DCK: variants seen among roughly 807,000 people sequenced by gnomAD.
DCK encodes deoxyadenosine kinase.
Under a neutral mutation model 38.3 loss-of-function variants are expected in DCK, and 23 were observed. The observed-to-expected ratio is 0.60, with a 90% CI of 0.43 to 0.85. The LOEUF is 0.85. Ranked by LOEUF, DCK falls within the 40% of genes least tolerant of loss-of-function variation. DCK has a pLI of 0.00. For missense variants in DCK, 259 were observed against 304.4 expected, an observed-to-expected ratio of 0.85 and a Z score of 1.11; for synonymous variants, 108 against 100.6, an observed-to-expected ratio of 1.07 and a Z score of -0.44.
At chr4:71,012,990 C>T (rs1158482694) in intron 2 of DCK, among the ~76,000 whole-genome samples, 1 of 152,166 alleles carries the variant, frequency 6.6e-6, no homozygotes, top group Non-Finnish European at 1.5e-5. Context: ...AGTTCGAACC[C>T]ATGGCAAAGA....
rs746211108 is a variant in DCK at position 71,022,551 on chromosome 4, A to G, written c.392A>G (p.Tyr131Cys). Reference protein sequence around the residue: ...KPVLFFERSVYSDRYIFASNL... With the variant: ...KPVLFFERSVCSDRYIFASNL... ...GTATTATTTTTTGAACGATCTGTGT[A>G]TAGTGACAGGTATGTATAAATGGCT... Residue 131 changes from tyrosine (Y) to cysteine (C), a missense_variant, in exon 3 of 7, where the codon TAT becomes TGT. This residue lies in a region of DCK where 159 missense variants were observed against 159.0 expected (regional missense o/e 1.00). Transcript: ENST00000286648. 4 of 1,555,068 alleles carry G rather than the reference A, an allele frequency of 2.6e-6. No homozygotes were observed. The highest frequency in any genetic ancestry group is 3.5e-6 in the Non-Finnish European group (4 of 1,155,278).
rs1046586428 is a variant in DCK at position 71,029,910 on chromosome 4, T to C, written c.*532T>C. ...TTTTAAATTATTATCTTCTTAACAG[T>C]TTAGTCCCACCTCTTACTTCCTGCC... On this transcript the variant is annotated 3_prime_UTR_variant, in exon 7 of 7. Transcript: ENST00000286648. The C allele has an allele frequency of 6.5e-6, 1 of 152,822 alleles. No homozygotes were observed. The highest frequency in any genetic ancestry group is 2.4e-5 in the African/African-American group (1 of 41,448). The allele number at this position is 152,822 out of a possible 1,614,324, so 9.5% of individuals were successfully genotyped here.
chr4:71,013,389 A>G (rs367603910), intron 2 of DCK, among the ~76,000 whole-genome samples: 4 of 152,194 alleles, frequency 2.6e-5, no homozygotes, highest in Non-Finnish European at 5.9e-5. Flanking sequence ...CCAACATTCA[A>G]ATTCAGGAAA....
At chr4:71,011,204 A>C (rs1740080246) in intron 2 of DCK, among the ~76,000 whole-genome samples, 1 of 149,178 alleles carries the variant, frequency 6.7e-6, no homozygotes, top group African/African-American at 2.5e-5. Flanking sequence ...CAGCCTCCCA[A>C]AGGGCTGGGA....
intron 2 of DCK, among the ~76,000 whole-genome samples, chr4:71,006,151 AGCAAATAAG>A (rs1739936226): frequency 1.0e-5 from 1 of 98,122 alleles, no homozygotes; most frequent in African/African-American, 3.3e-5. Flanking sequence ...AAAAAAAAAA[AGCAAATAAG>A]AAAAAGAAAA....
At chr4:70,998,013 C>T (rs1240923193) in intron 1 of DCK, 54 bp from the exon 2 acceptor site, 2 of 853,132 alleles carry the variant, frequency 2.3e-6, no homozygotes, top group Non-Finnish European at 3.7e-6. Flanking sequence ...GACTACTTGA[C>T]ATCTTTTTTT....
At chr4:70,999,903 T>G (rs1035586407) in intron 2 of DCK, among the ~76,000 whole-genome samples, 5 of 152,208 alleles carry the variant, frequency 3.3e-5, no homozygotes, top group Admixed American at 3.3e-4. Flanking sequence ...TTTAAGTTCC[T>G]TGTAGATTTT....
intron 4 of DCK, among the ~76,000 whole-genome samples, chr4:71,025,256 T>C (rs1740519184): frequency 6.6e-6 from 1 of 152,096 alleles, no homozygotes; most frequent in Non-Finnish European, 1.5e-5. Context: ...TTTAGTTCCT[T>C]GGTCACCACA....
intron 6 of DCK, among the ~76,000 whole-genome samples, chr4:71,027,913 T>C (rs1740580666): frequency 6.6e-6 from 1 of 152,248 alleles, no homozygotes; most frequent in East Asian, 1.9e-4. Context: ...CTAAGAATCA[T>C]TTCACATTAT....
At chr4:71,017,030 C>G (rs1740287687) in intron 2 of DCK, among the ~76,000 whole-genome samples, 1 of 152,126 alleles carries the variant, frequency 6.6e-6, no homozygotes, top group Admixed American at 6.5e-5. Flanking sequence ...TTGCAATCTA[C>G]TCATCTGACA....
chr4:71,012,580 C>A (rs962523681), intron 2 of DCK, among the ~76,000 whole-genome samples: 1 of 152,166 alleles, frequency 6.6e-6, no homozygotes, highest in Admixed American at 6.5e-5. Context: ...TCCAGAGGAA[C>A]GATCAGGCAG....
intron 2 of DCK, among the ~76,000 whole-genome samples, chr4:71,015,362 G>A (rs1395830233): frequency 6.6e-6 from 1 of 152,196 alleles, no homozygotes; most frequent in Non-Finnish European, 1.5e-5. Context: ...GTACAAGGAG[G>A]AGCTGGTACC....
chr4:71,026,787 GTTTTTTCTAAAAAAGTGTAC>G, intron 6 of DCK, 32 bp downstream of exon 6: 1 of 1,152,994 alleles, frequency 8.7e-7, no homozygotes, highest in Non-Finnish European at 1.3e-6. Context: ...ACAAATATTT[GTTTTTTCTAAAAAAGTGTAC>G]TGAGTGGTGA....
intron 2 of DCK, among the ~76,000 whole-genome samples, chr4:71,018,820 C>T (rs1422995120): frequency 3.3e-5 from 5 of 151,704 alleles, no homozygotes; most frequent in African/African-American, 1.2e-4. Flanking sequence ...TACAGGTGCA[C>T]GCCACCATAC....
rs953563440 is a variant in DCK, at chr4:71,029,694, CCT to C, written c.*319_*320del. ...AGATCCAGCTTCCTTCTGTCATTCC[CCT>C]CTTTTGTCTTCCTCAGCAGGTTGGC... On this transcript the variant is annotated 3_prime_UTR_variant, in exon 7 of 7. Transcript: ENST00000286648. The C allele has an allele frequency of 3.7e-5, 9 of 243,254 alleles. No individual in the cohort carries two copies. The highest frequency in any genetic ancestry group is 2.1e-4 in the African/African-American group (9 of 43,434). The allele number at this position is 243,254 out of a possible 1,614,324, so 15.1% of individuals were successfully genotyped here. A position where few individuals can be genotyped will look rare whatever the true frequency, so the allele number is the denominator to read the frequency against.
At position 71,019,011 on chromosome 4, in the gene DCK, C is replaced by CA. The variant is rs910453022; in HGVS notation, c.208-3350dup. Among the ~76,000 whole-genome samples, 4 of 152,152 alleles carry CA rather than the reference C, an allele frequency of 2.6e-5. No homozygotes were observed. The East Asian group carries it at 7.7e-4, about 29-fold the overall frequency. The stretch of plus-strand genomic sequence containing the variant: ...TATTCTTAACATTTATAATTGCATA[C>CA]AAAAAACCCTAGCAATTTGTCTCAA... On this transcript the variant is annotated intron_variant, in intron 2 of 6. Transcript: ENST00000286648.
chr4:71,023,824 C>T (rs1218576010), intron 4 of DCK, 118 bp downstream of exon 4: 4 of 812,470 alleles, frequency 4.9e-6, no homozygotes, highest in Non-Finnish European at 7.3e-6. Context: ...TCCCACTCCC[C>T]ACCTCTAAAT....
intron 1 of DCK, among the ~76,000 whole-genome samples, chr4:70,994,338 ATTT>A (rs1739610235): frequency 6.6e-6 from 1 of 152,020 alleles, no homozygotes; most frequent in African/African-American, 2.4e-5. Flanking sequence ...GATACAGAAC[ATTT>A]TCATCACCTT....
chr4:71,022,336 CT>C, intron 2 of DCK, 30 bp from the exon 3 acceptor site: 8 of 1,363,044 alleles, frequency 5.9e-6, no homozygotes, highest in Non-Finnish European at 7.9e-6. Flanking sequence ...ATTAATTTTG[CT>C]TTTTATTTCT....
Sources: gnomAD v4.1 joint callset for allele counts (sites outside exome capture counted in the v4.1 genomes callset) on GRCh38, gnomAD v4.1.1 for gene constraint, gnomAD v4.1.1 regional missense constraint, MANE v1.5 for transcripts, NCBI Gene and HGNC (gene_info 2026-07-23, HGNC 2026-07-21) for gene names.